PARP14: variants seen among roughly 807,000 people sequenced by gnomAD.
The protein encoded by PARP14 is protein mono-ADP-ribosyltransferase PARP14.
In PARP14, 59 loss-of-function variants were observed where a neutral mutation model predicts 154.2. That is an observed-to-expected ratio of 0.38 (90% CI 0.31 to 0.48). The LOEUF (loss-of-function observed/expected upper bound fraction) is 0.48, where lower values mean the gene tolerates loss of function less well. PARP14 is among the 20% of genes least tolerant of loss of function. PARP14 has a pLI of 0.98. For missense variants in PARP14, 1,734 were observed against 2,131.6 expected (o/e 0.81, Z 3.67); for synonymous variants, 720 against 780.5 (o/e 0.92, Z 1.29).
chr3:122,722,410 G>A (rs1448637702), intron 15 of PARP14: 1 of 152,184 alleles, frequency 6.6e-6, no homozygotes, highest in African/African-American at 2.4e-5. Flanking sequence ...GTGATGAGAT[G>A]CTAAGTTTAG....
At chr3:122,702,906 C>T (rs1387094355) in intron 6 of PARP14, among the ~76,000 whole-genome samples, 1 of 147,904 alleles carries the variant, frequency 6.8e-6, no homozygotes, top group Admixed American at 6.8e-5. Flanking sequence ...GGGAGGATCA[C>T]TTGAACCCTA....
At chr3:122,693,836 G>A (rs780057546) in intron 4 of PARP14, among the ~76,000 whole-genome samples, 7 of 131,272 alleles carry the variant, frequency 5.3e-5, no homozygotes, top group African/African-American at 1.7e-4. Context: ...GTGAGACCCC[G>A]TGTCTGAAAA....
At chr3:122,682,113 T>C (rs790105) in intron 1 of PARP14, among the ~76,000 whole-genome samples, 93,486 of 152,092 alleles carry the variant, frequency 0.61, 30,620 homozygotes, top group African/African-American at 0.83. Context: ...GGACAGGAGA[T>C]ATGCTTGGCT....
At chr3:122,710,795 ATTT>A (rs1939300072) in intron 9 of PARP14, among the ~76,000 whole-genome samples, 3 of 24,168 alleles carry the variant, frequency 1.2e-4, no homozygotes, top group South Asian at 2.8e-3. Flanking sequence ...TAGGTATTTT[ATTT>A]ATTTATTTAT....
At chr3:122,722,762 C>T (rs1333250778) in intron 15 of PARP14, 1 of 152,084 alleles carries the variant, frequency 6.6e-6, no homozygotes, top group East Asian at 1.9e-4. Context: ...GCCACTTTTG[C>T]TTTCTCTCCC....
Position 122,681,280 on chromosome 3 carries a change from C to T in PARP14, c.187+210C>T, listed in dbSNP as rs1347530639. 8.0e-5 allele frequency among the ~76,000 whole-genome samples: 12 copies of T among 150,284 alleles called. 1 individual carries two copies. The East Asian group carries it at 2.3e-3, about 28-fold the overall frequency. On this transcript the variant is annotated intron_variant, in intron 1 of 16. Transcript: ENST00000474629. This position sits in a 1 kb window ranked among gnomAD's most constrained non-coding sequence, Gnocchi z 5.5. ...TTCCCCGGCGCCCTGCGCTTCCAGGCGCTTAATGGCGCGGCCCGGAGGTGG... is the reference window on the plus strand; with the variant it reads ...TTCCCCGGCGCCCTGCGCTTCCAGGTGCTTAATGGCGCGGCCCGGAGGTGG...
intron 5 of PARP14, among the ~76,000 whole-genome samples, chr3:122,697,744 A>G (rs1296135177): frequency 6.6e-6 from 1 of 152,202 alleles, no homozygotes; most frequent in Admixed American, 6.5e-5. Flanking sequence ...CTATGTCTGT[A>G]AGATCTTTTG....
At chr3:122,699,202 A>C (rs1214414412) in intron 5 of PARP14, among the ~76,000 whole-genome samples, 188 bp from the exon 6 acceptor site, 3 of 152,206 alleles carry the variant, frequency 2.0e-5, no homozygotes, top group Non-Finnish European at 4.4e-5. Context: ...TTTTTACTCT[A>C]AAATGGGAAG....
chr3:122,682,982 G>A (rs894600942), intron 1 of PARP14, among the ~76,000 whole-genome samples: 3 of 152,168 alleles, frequency 2.0e-5, no homozygotes, highest in African/African-American at 7.2e-5. Flanking sequence ...TTGAACCAGG[G>A]AGGCAGAGGT....
intron 4 of PARP14, among the ~76,000 whole-genome samples, chr3:122,692,936 T>A (rs1341167632): frequency 6.6e-6 from 1 of 152,210 alleles, no homozygotes; most frequent in Non-Finnish European, 1.5e-5. Flanking sequence ...CAAACTGGAC[T>A]TCATGGAAGG....
At chr3:122,686,478 A>G (rs1015780885) in intron 2 of PARP14, among the ~76,000 whole-genome samples, 101 of 151,672 alleles carry the variant, frequency 6.7e-4, no homozygotes, top group African/African-American at 2.3e-3. Flanking sequence ...TATCTTTTTT[A>G]GAGACTGCTT....
rs115276793 is a variant in PARP14, at chr3:122,681,926, C to G, written c.187+856C>G. ...TGGCATCTTATGGATGATGACCTAT[C>G]GGGATCTAGTCAACCCCTAATTCCG... On this transcript the variant is annotated intron_variant, in intron 1 of 16. Coordinates refer to ENST00000474629, the MANE Select transcript of PARP14 (RefSeq NM_017554.3). This position sits in a 1 kb window ranked among gnomAD's most constrained non-coding sequence, Gnocchi z 5.5. Among the ~76,000 whole-genome samples, 675 of 152,256 alleles carry G rather than the reference C, an allele frequency of 4.4e-3. 3 individuals carry two copies. Among genetic ancestry groups the G allele is most frequent in the Non-Finnish European group, 7.1e-3 (483 of 68,030 alleles).
Position 122,720,320 on chromosome 3 carries a change from A to G in PARP14, c.4873A>G (p.Ser1625Gly). The G allele has an allele frequency of 6.2e-7, 1 of 1,612,838 alleles. No homozygotes were observed. Among genetic ancestry groups the G allele is most frequent in the Middle Eastern group, 1.7e-4 (1 of 6,060 alleles). The change falls in exon 15 of 17, where the codon AGT becomes GGT. Residue 1625 changes from serine (S) to glycine (G), a missense_variant. By Grantham distance (56) the Ser-to-Gly change is moderately conservative. Transcript: ENST00000474629. Reference protein sequence around the residue: ...QNFCVVELLPSDPEYNTVASK... With the variant: ...QNFCVVELLPGDPEYNTVASK... ...TTTCTGTGTGGTGGAGCTGCTGCCTAGTGATCCTGAGTACAACACGGTGGC... is the reference window on the plus strand; with the variant it reads ...TTTCTGTGTGGTGGAGCTGCTGCCTGGTGATCCTGAGTACAACACGGTGGC...
chr3:122,726,585 C>A (rs1933293006), intron 15 of PARP14, among the ~76,000 whole-genome samples: 2 of 152,238 alleles, frequency 1.3e-5, no homozygotes, highest in South Asian at 2.1e-4. Context: ...TAATAATAAA[C>A]CTACTAAATA....
At position 122,701,749 on chromosome 3, in the gene PARP14, A is replaced by G. The variant is rs1331580418; in HGVS notation, c.3081+114A>G. ...ACCAAGGTGAGAATCAAGGGAGAGA[A>G]TCCCATGCCTTCCACCCCTGCCTTG... On this transcript the variant is annotated intron_variant, in intron 6 of 16. Coordinates refer to ENST00000474629, the MANE Select transcript of PARP14 (RefSeq NM_017554.3). The surrounding 1 kb of genome is among the most constrained non-coding windows in gnomAD (Gnocchi z 4.0). The G allele has an allele frequency of 1.2e-5, 9 of 771,966 alleles. No individual in the cohort carries two copies. Among genetic ancestry groups the G allele is most frequent in the Non-Finnish European group, 1.0e-5 (5 of 485,942 alleles). The allele number at this position is 771,966 out of a possible 1,614,324, so 47.8% of individuals were successfully genotyped here.
chr3:122,730,465 T>C lies in PARP14; in HGVS notation c.*1868T>C, dbSNP rs1166867346. 1 of 152,222 alleles carries C rather than the reference T, an allele frequency of 6.6e-6. No homozygotes were observed. The highest frequency in any genetic ancestry group is 1.5e-5 in the Non-Finnish European group (1 of 68,038). 9.4% of individuals were successfully genotyped at this position (152,222 alleles called of 1,614,324 possible). On this transcript the variant is annotated 3_prime_UTR_variant, in exon 17 of 17. Transcript: ENST00000474629. ...AGGGACTTAATCTGCTAGGAACACC[T>C]GTACTTGAAGTGGAGGAGGCTAGGG...
intron 3 of PARP14, among the ~76,000 whole-genome samples, chr3:122,691,679 G>A (rs2107638870): frequency 6.6e-6 from 1 of 152,280 alleles, no homozygotes; most frequent in South Asian, 2.1e-4. Flanking sequence ...TATACCATAT[G>A]CTAGCAATAC....
intron 8 of PARP14, among the ~76,000 whole-genome samples, chr3:122,706,920 C>G (rs999902913): frequency 6.6e-6 from 1 of 152,022 alleles, no homozygotes; most frequent in African/African-American, 2.4e-5. Flanking sequence ...TCTTTTGGTA[C>G]AAATAGGAAA....
intron 1 of PARP14, among the ~76,000 whole-genome samples, chr3:122,683,742 G>T (rs540847206): frequency 2.0e-5 from 3 of 152,284 alleles, no homozygotes; most frequent in African/African-American, 7.2e-5. Flanking sequence ...ATTACCAACT[G>T]TTCTCCTGAA....
Sources: allele counts gnomAD v4.1 joint callset (sites outside exome capture counted in the v4.1 genomes callset), GRCh38; gene constraint gnomAD v4.1.1; non-coding constraint Gnocchi (gnomAD v3.1); transcripts MANE v1.5; gene names NCBI Gene and HGNC (gene_info 2026-07-23, HGNC 2026-07-21).